PCDH15: variants seen among roughly 807,000 people sequenced by gnomAD.
PCDH15 encodes protocadherin-15.
Under a neutral mutation model 178.5 loss-of-function variants are expected in PCDH15, and 129 were observed. The observed-to-expected ratio is 0.72, with a 90% confidence interval of 0.63 to 0.84. The LOEUF (loss-of-function observed/expected upper bound fraction) is 0.84. Among genes scored for constraint, PCDH15 ranks in the 40% least tolerant of loss-of-function variants. The probability of loss-of-function intolerance (pLI) is 0.00; values close to 1 mark genes in which losing one functional copy is unlikely to be tolerated. For synonymous variants in PCDH15, 800 were observed against 732.0 expected (o/e 1.09, Z -1.50); for missense variants, 2,230 against 2,099.9 (o/e 1.06, Z -1.21).
chr10:54,645,449 A>G (rs1338160647), intron 2 of PCDH15, among the ~76,000 whole-genome samples: 2 of 152,158 alleles, frequency 1.3e-5, no homozygotes, highest in Non-Finnish European at 2.9e-5. Context: ...AAGCATTTAT[A>G]AGAAGGAATT....
intron 2 of PCDH15, among the ~76,000 whole-genome samples, chr10:54,985,088 C>T (rs906580745): frequency 1.3e-5 from 2 of 152,102 alleles, no homozygotes; most frequent in African/African-American, 2.4e-5. Context: ...GGCTAAACCA[C>T]GTGTAAAAAT....
chr10:54,367,607 G>A (rs1012329268), intron 5 of PCDH15, among the ~76,000 whole-genome samples: 11 of 151,878 alleles, frequency 7.2e-5, no homozygotes, highest in African/African-American at 2.7e-4. Flanking sequence ...GTTGAACAAT[G>A]AGAACACCTG....
chr10:55,542,696 T>C lies in PCDH15; in HGVS notation c.-156+84929A>G, dbSNP rs186291446. On this transcript the variant is annotated intron_variant, in intron 2 of 5. Coordinates refer to the PCDH15 transcript ENST00000613346. ...ATATGTATGTGTCTATATAGGTACA[T>C]ACAGACATATGTTTGTGTCTATATA... 5.1e-3 allele frequency among the ~76,000 whole-genome samples: 254 copies of C among 50,126 alleles called. 6 individuals carry two copies. Among genetic ancestry groups the C allele is most frequent in the African/African-American group, 0.019 (239 of 12,284 alleles). The allele number at this position is 50,126 out of a possible 152,430, so 32.9% of individuals were successfully genotyped here. A position where few individuals can be genotyped will look rare whatever the true frequency, so the allele number is the denominator to read the frequency against.
At chr10:55,073,418 A>C (rs1841801963) in intron 2 of PCDH15, among the ~76,000 whole-genome samples, 1 of 152,188 alleles carries the variant, frequency 6.6e-6, no homozygotes, top group Admixed American at 6.5e-5. Context: ...ATACAAAATC[A>C]ATGTACAAAA....
chr10:54,033,496 T>C (rs2093349692), intron 18 of PCDH15, among the ~76,000 whole-genome samples: 2 of 151,934 alleles, frequency 1.3e-5, no homozygotes, highest in South Asian at 4.1e-4. Flanking sequence ...CATAAACATT[T>C]CCACATAAGC....
At chr10:54,732,610 T>C (rs1943564129) in intron 1 of PCDH15, among the ~76,000 whole-genome samples, 1 of 151,488 alleles carries the variant, frequency 6.6e-6, no homozygotes, top group Non-Finnish European at 1.5e-5. Flanking sequence ...CACTAAATGC[T>C]GAAGAAGGAA....
intron 2 of PCDH15, among the ~76,000 whole-genome samples, chr10:54,573,943 A>G (rs971688042): frequency 1.3e-5 from 2 of 152,138 alleles, no homozygotes; most frequent in Admixed American, 1.3e-4. Context: ...TCAGATGAGT[A>G]GGTTGTGAAA....
At chr10:55,036,667 A>G (rs1018498861) in intron 2 of PCDH15, among the ~76,000 whole-genome samples, 4 of 152,228 alleles carry the variant, frequency 2.6e-5, no homozygotes, top group Admixed American at 6.5e-5. Flanking sequence ...AGCAAAGTCA[A>G]AGAATATTTG....
At chr10:55,350,284 CACAT>C (rs1303023283) in intron 2 of PCDH15, among the ~76,000 whole-genome samples, 1 of 133,616 alleles carries the variant, frequency 7.5e-6, no homozygotes, top group Admixed American at 7.6e-5. Context: ...CACACACACA[CACAT>C]ACATACACAC....
At chr10:54,036,083 G>T (rs976288671) in intron 18 of PCDH15, among the ~76,000 whole-genome samples, 12 of 151,878 alleles carry the variant, frequency 7.9e-5, no homozygotes, top group African/African-American at 2.9e-4. Flanking sequence ...TCTGAAGCTA[G>T]TAGAGGTGGG....
intron 2 of PCDH15, among the ~76,000 whole-genome samples, chr10:54,993,590 TG>T (rs1299757125): frequency 6.6e-6 from 1 of 152,036 alleles, no homozygotes; most frequent in Non-Finnish European, 1.5e-5. Flanking sequence ...AAATTCACAC[TG>T]AATTTGAGTA....
At position 53,806,961 on chromosome 10, in the gene PCDH15, G is replaced by A. The variant is rs771698332; in HGVS notation, c.4841C>T (p.Thr1614Ile). The A allele has an allele frequency of 1.2e-6, 2 of 1,613,758 alleles. No individual in the cohort carries two copies. Among genetic ancestry groups the A allele is most frequent in the Admixed American group, 3.3e-5 (2 of 59,968 alleles). The change falls in exon 38 of 38, where the codon ACC becomes ATC. Residue 1614 changes from threonine to isoleucine, a missense_variant. Physicochemically the swap from Thr to Ile is moderately conservative, Grantham distance 89. Transcript: ENST00000644397. ...GTTGTCCGTGAGGCAGGCACGGCGG[G>A]TTCTCACCACAGAACCATTCTGTGC... The part of the protein sequence containing the change: ...YIAQNGSVVR[T>I]RRACLTDNLK...
intron 2 of PCDH15, among the ~76,000 whole-genome samples, chr10:54,963,462 T>C (rs192130952): frequency 6.6e-6 from 1 of 152,318 alleles, no homozygotes; most frequent in Non-Finnish European, 1.5e-5. Context: ...GTTTCATTGT[T>C]TTTCTGTAGC....
chr10:54,830,000 G>A (rs1351471283), intron 3 of PCDH15, among the ~76,000 whole-genome samples: 1 of 152,078 alleles, frequency 6.6e-6, no homozygotes, highest in Admixed American at 6.6e-5. Flanking sequence ...CTCATGGAAA[G>A]AGGCTTGCAG....
intron 1 of PCDH15, among the ~76,000 whole-genome samples, chr10:54,721,205 T>C (rs1341599126): frequency 6.6e-6 from 1 of 151,776 alleles, no homozygotes; most frequent in Non-Finnish European, 1.5e-5. Context: ...ACAGACACAA[T>C]ATTTCAAAAG....
chr10:53,822,868 C>G, intron 32 of PCDH15: 1 of 1,614,026 alleles, frequency 6.2e-7, no homozygotes, highest in East Asian at 2.2e-5. Flanking sequence ...TTGCTGCTAC[C>G]TCTTTTGTTT....
At chr10:54,994,685 G>A (rs920593130) in intron 2 of PCDH15, among the ~76,000 whole-genome samples, 1 of 152,034 alleles carries the variant, frequency 6.6e-6, no homozygotes, top group Non-Finnish European at 1.5e-5. Flanking sequence ...AAACATATGT[G>A]TATATATGTA....
intron 2 of PCDH15, among the ~76,000 whole-genome samples, chr10:55,442,911 A>G (rs2132071405): frequency 6.6e-6 from 1 of 152,238 alleles, no homozygotes; most frequent in South Asian, 2.1e-4. Context: ...AGAAGAATGG[A>G]ACATTCCAGA....
intron 2 of PCDH15, among the ~76,000 whole-genome samples, chr10:55,337,601 G>A (rs1264365451): frequency 2.6e-5 from 4 of 152,126 alleles, no homozygotes; most frequent in African/African-American, 4.8e-5. Context: ...ATTCTGATTC[G>A]GCAAAGTGTA....
Sources: allele counts gnomAD v4.1 joint callset (sites outside exome capture counted in the v4.1 genomes callset), GRCh38; gene constraint gnomAD v4.1.1; transcripts MANE v1.5; gene names NCBI Gene and HGNC (gene_info 2026-07-23, HGNC 2026-07-21).